The following SNX29 variants were observed in gnomAD, a reference collection of about 807,000 sequenced individuals.
The protein encoded by SNX29 is sorting nexin 29, also known as sorting nexin-29.
SNX29 carries 78 observed loss-of-function variants against 102.1 expected under a neutral mutation model. That is an observed-to-expected ratio of 0.76 (90% confidence interval 0.64 to 0.92). The LOEUF (loss-of-function observed/expected upper bound fraction) is 0.92, where lower values mean the gene tolerates loss of function less well. SNX29 is among the 40% of genes least tolerant of loss of function. SNX29 has a pLI of 0.00. For missense variants in SNX29, 1,280 were observed against 1,061.7 expected, an observed-to-expected ratio of 1.21 and a Z score of -2.86; for synonymous variants, 580 against 414.5, an observed-to-expected ratio of 1.40 and a Z score of -4.85.
At chr16:12,561,710 T>C (rs2078734361) in intron 20 of SNX29, among the ~76,000 whole-genome samples, 3 of 152,118 alleles carry the variant, frequency 2.0e-5, no homozygotes, top group African/African-American at 7.2e-5. Context: ...TCCCCAGTGC[T>C]GTGTTAAGTT....
intron 11 of SNX29, among the ~76,000 whole-genome samples, chr16:12,100,776 T>G: frequency 1.3e-5 from 2 of 150,704 alleles, no homozygotes; most frequent in African/African-American, 2.5e-5. Flanking sequence ...CCTGAGTGAG[T>G]AGGGGTGCTG....
Position 12,569,715 on chromosome 16 carries a change from C to G in SNX29, c.*1086C>G, listed in dbSNP as rs11645658. On this transcript the variant is annotated 3_prime_UTR_variant, in exon 21 of 21. Transcript: ENST00000566228. ...TGGCAGGTGGAGAGGAGGATGGGGA[C>G]CAGCAGCTGGGCAGCCCCCAGGGCT... 29,378 of 230,310 alleles carry G rather than the reference C, an allele frequency of 0.13. 2,188 individuals are homozygous for G. The highest frequency in any genetic ancestry group is 0.25 in the South Asian group (1,356 of 5,486). The allele number at this position is 230,310 out of a possible 1,614,324, so 14.3% of individuals were successfully genotyped here.
At chr16:12,147,012 G>T (rs2055091330) in intron 13 of SNX29, among the ~76,000 whole-genome samples, 1 of 152,240 alleles carries the variant, frequency 6.6e-6, no homozygotes. Context: ...AGAAAGCCAT[G>T]TGCTTGTTTA....
intron 11 of SNX29, among the ~76,000 whole-genome samples, chr16:12,113,132 C>T (rs1233202635): frequency 1.3e-5 from 2 of 152,234 alleles, no homozygotes; most frequent in East Asian, 3.8e-4. Flanking sequence ...CCCTGCTCTC[C>T]AGGACTGAGG....
chr16:11,977,492 C>T (rs2055329381), intron 1 of SNX29: 1 of 152,566 alleles, frequency 6.6e-6, no homozygotes, highest in African/African-American at 2.4e-5. Flanking sequence ...CATATTCCAT[C>T]CTTGTCCATG....
intron 4 of SNX29, chr16:12,038,583 T>G (rs1411878931): frequency 6.6e-6 from 1 of 152,212 alleles, no homozygotes; most frequent in Non-Finnish European, 1.5e-5. Flanking sequence ...GAGCTGCGCT[T>G]TAAATAGACC....
At chr16:12,200,280 G>A (rs1486009433) in intron 14 of SNX29, among the ~76,000 whole-genome samples, 1 of 152,112 alleles carries the variant, frequency 6.6e-6, no homozygotes, top group African/African-American at 2.4e-5. Flanking sequence ...GAACAGTCAT[G>A]AAGATCTTGC....
At chr16:12,389,405 C>G (rs1264598329) in intron 16 of SNX29, among the ~76,000 whole-genome samples, 1 of 152,086 alleles carries the variant, frequency 6.6e-6, no homozygotes, top group Non-Finnish European at 1.5e-5. Flanking sequence ...GTGATTAAGT[C>G]TCATGAGATC....
chr16:12,363,734 C>G (rs1439030033), intron 16 of SNX29, among the ~76,000 whole-genome samples: 1 of 152,186 alleles, frequency 6.6e-6, no homozygotes, highest in Non-Finnish European at 1.5e-5. Flanking sequence ...GGTTAGTTTC[C>G]TTTCAGTGGT....
chr16:12,044,704 G>T (rs571191035), intron 5 of SNX29, among the ~76,000 whole-genome samples: 49 of 152,186 alleles, frequency 3.2e-4, no homozygotes, highest in Admixed American at 1.3e-3. Flanking sequence ...TCAGCCTCCC[G>T]AGTAGCTGGG....
At chr16:12,552,982 C>A (rs979682724) in intron 20 of SNX29, among the ~76,000 whole-genome samples, 1 of 152,236 alleles carries the variant, frequency 6.6e-6, no homozygotes, top group Non-Finnish European at 1.5e-5. Flanking sequence ...GCAGCAGGCA[C>A]TGTCTGAGGG....
chr16:12,200,727 C>T (rs777354489), intron 14 of SNX29, among the ~76,000 whole-genome samples: 2 of 152,162 alleles, frequency 1.3e-5, no homozygotes, highest in Non-Finnish European at 2.9e-5. Flanking sequence ...CCAGGTGATC[C>T]GTCCGCCTCG....
intron 1 of SNX29, chr16:11,983,528 A>G (rs923283138): frequency 6.2e-6 from 2 of 323,476 alleles, no homozygotes; most frequent in Admixed American, 6.5e-5. Flanking sequence ...TTCAAAGTAG[A>G]AAAGTGATGC....
At chr16:12,543,406 T>C (rs1309948810) in intron 20 of SNX29, among the ~76,000 whole-genome samples, 2 of 152,170 alleles carry the variant, frequency 1.3e-5, no homozygotes, top group East Asian at 1.9e-4. Flanking sequence ...GGGGGCCCGA[T>C]TCACTGAAAG....
In SNX29 at chr16:12,536,644, T is replaced by C. The variant is rs554236603; in HGVS notation, c.2318+11803T>C. On this transcript the variant is annotated intron_variant, in intron 20 of 20. Coordinates refer to ENST00000566228, the MANE Select transcript of SNX29 (RefSeq NM_032167.5). Reference sequence around the variant, plus strand: ...CTGCAGCAGGGGTGTATACAGCTAATTTCTGGGTTCCTTAGATCCAGGGAA... The same window carrying C: ...CTGCAGCAGGGGTGTATACAGCTAACTTCTGGGTTCCTTAGATCCAGGGAA... Among the ~76,000 whole-genome samples, 17 of 152,304 alleles carry C rather than the reference T, an allele frequency of 1.1e-4. No homozygotes were observed. In the South Asian group the frequency reaches 3.5e-3, roughly 32 times the overall value.
Position 12,199,659 on chromosome 16 carries a change from A to C in SNX29, c.1654A>C (p.Lys552Gln). 6.2e-7 allele frequency: 1 copy of C among 1,612,872 alleles called. No homozygotes were observed. Among genetic ancestry groups the C allele is most frequent in the Non-Finnish European group, 8.5e-7 (1 of 1,179,372 alleles). The change falls in exon 14 of 21, where the codon AAA becomes CAA. Residue 552 changes from lysine (K) to glutamine (Q), a missense_variant. Lys to Gln is a moderately conservative substitution (Grantham distance 53). Transcript: ENST00000566228. ...KKYVGAVQML[K>Q]REGQTAEVPN... ...ATATGTAGGAGCTGTCCAGATGCTGAAAAGAGAAGGTCAAACAGCTGAAGG... is the reference window on the plus strand; with the variant it reads ...ATATGTAGGAGCTGTCCAGATGCTGCAAAGAGAAGGTCAAACAGCTGAAGG...
intron 11 of SNX29, among the ~76,000 whole-genome samples, chr16:12,102,977 C>G (rs2053084565): frequency 6.6e-6 from 1 of 152,016 alleles, no homozygotes; most frequent in South Asian, 2.1e-4. Context: ...AATAACATAC[C>G]TAGGAATAAA....
At chr16:12,008,450 G>A (rs1252606279) in intron 3 of SNX29, among the ~76,000 whole-genome samples, 3 of 150,710 alleles carry the variant, frequency 2.0e-5, no homozygotes, top group African/African-American at 4.9e-5. Context: ...TGTATTTTTA[G>A]TAGAGACAGT....
At chr16:12,064,473 T>C (rs1053625735) in intron 9 of SNX29, among the ~76,000 whole-genome samples, 1 of 152,220 alleles carries the variant, frequency 6.6e-6, no homozygotes, top group Non-Finnish European at 1.5e-5. Flanking sequence ...CTCCAGCTGA[T>C]GTCGAATGCA....
Sources: gnomAD v4.1 joint callset for allele counts (sites outside exome capture counted in the v4.1 genomes callset) on GRCh38, gnomAD v4.1.1 for gene constraint, MANE v1.5 for transcripts, NCBI Gene and HGNC (gene_info 2026-07-23, HGNC 2026-07-21) for gene names.